CSMD1: variants seen among roughly 807,000 people sequenced by gnomAD.
CSMD1 encodes CUB and sushi domain-containing protein 1.
A neutral mutation model predicts 417.5 loss-of-function variants in CSMD1; 213 were observed. That is an observed-to-expected ratio of 0.51 (90% CI 0.46 to 0.57). The LOEUF (loss-of-function observed/expected upper bound fraction) is 0.57. Among genes scored for constraint, CSMD1 ranks in the 20% least tolerant of loss-of-function variants. CSMD1 has a pLI of 0.00. For synonymous variants in CSMD1, 2,862 were observed against 1,736.8 expected (o/e 1.65, Z -16.11); for missense variants, 6,923 against 4,529.7 (o/e 1.53, Z -15.17).
Position 4,791,280 on chromosome 8 carries a change from A to G in CSMD1, c.86-153722T>C, listed in dbSNP as rs182460854. 2.9e-4 allele frequency among the ~76,000 whole-genome samples: 44 copies of G among 152,264 alleles called. No individual in the cohort carries two copies. In the East Asian group the frequency reaches 7.4e-3, roughly 25 times the overall value. On this transcript the variant is annotated intron_variant, in intron 1 of 69. Coordinates refer to ENST00000635120, the MANE Select transcript of CSMD1 (RefSeq NM_033225.6). The stretch of plus-strand genomic sequence containing the variant: ...TTGCCTGTCATGGACACAGACCTTC[A>G]CGAAGGTGGGCCTCTTTCCATACCA...
At chr8:4,574,518 G>C (rs1351563166) in intron 2 of CSMD1, among the ~76,000 whole-genome samples, 3 of 152,126 alleles carry the variant, frequency 2.0e-5, no homozygotes, top group Non-Finnish European at 4.4e-5. Context: ...GAAATCACCC[G>C]CCTTCTGTGA....
chr8:4,102,350 T>G (rs1262324955), intron 3 of CSMD1, among the ~76,000 whole-genome samples: 1 of 152,014 alleles, frequency 6.6e-6, no homozygotes, highest in Non-Finnish European at 1.5e-5. Context: ...TTTTGCTTTG[T>G]TTTTCCTTGC....
At chr8:4,400,815 G>C (rs1051000021) in intron 3 of CSMD1, among the ~76,000 whole-genome samples, 2 of 147,974 alleles carry the variant, frequency 1.4e-5, no homozygotes, top group Non-Finnish European at 3.0e-5. Context: ...TGCTTTTAAA[G>C]GATTATTAGG....
chr8:3,717,164 G>A (rs2623566), intron 6 of CSMD1, among the ~76,000 whole-genome samples: 128,289 of 152,128 alleles, frequency 0.84, 54,335 homozygotes, highest in East Asian at 0.93. Flanking sequence ...TTTTATTTTC[G>A]TCGATAATTA....
intron 2 of CSMD1, among the ~76,000 whole-genome samples, chr8:4,437,306 T>G (rs1798203893): frequency 6.6e-6 from 1 of 152,156 alleles, no homozygotes; most frequent in African/African-American, 2.4e-5. Context: ...TTATTTAGTT[T>G]GAGAGAAAAA....
intron 1 of CSMD1, among the ~76,000 whole-genome samples, chr8:4,689,783 GC>G (rs1806646988): frequency 6.6e-6 from 1 of 152,096 alleles, no homozygotes; most frequent in Non-Finnish European, 1.5e-5. Context: ...GGTGGTTTAG[GC>G]TAACTCCATA....
At chr8:3,196,229 A>C (rs1276491279) in intron 33 of CSMD1, among the ~76,000 whole-genome samples, 8 of 152,186 alleles carry the variant, frequency 5.3e-5, no homozygotes, top group Non-Finnish European at 1.0e-4. Flanking sequence ...CAATGCCAGG[A>C]AGTTACCCTA....
At chr8:3,731,694 T>C (rs1796270689) in intron 6 of CSMD1, among the ~76,000 whole-genome samples, 1 of 152,148 alleles carries the variant, frequency 6.6e-6, no homozygotes, top group Non-Finnish European at 1.5e-5. Context: ...GGAAACAAAG[T>C]ATAAATGGGT....
chr8:4,101,407 G>A (rs1801298883), intron 3 of CSMD1, among the ~76,000 whole-genome samples: 1 of 152,096 alleles, frequency 6.6e-6, no homozygotes, highest in Non-Finnish European at 1.5e-5. Flanking sequence ...GGTTGGTTGG[G>A]CAGGTGAATA....
Position 4,994,448 on chromosome 8 carries a change from G to T in CSMD1, c.-32C>A, listed in dbSNP as rs756239979. 2 of 1,585,428 alleles carry T rather than the reference G, an allele frequency of 1.3e-6. No individual in the cohort carries two copies. Among genetic ancestry groups the T allele is most frequent in the South Asian group, 1.1e-5 (1 of 90,328 alleles). ...AGATACTCCACACGCACGCGACACC[G>T]ATGGCTCCTCCGAGGAAGGCAGGGC... On this transcript the variant is annotated 5_prime_UTR_variant, in exon 1 of 70. Transcript: ENST00000635120.
At chr8:4,082,870 T>A (rs1246806768) in intron 3 of CSMD1, among the ~76,000 whole-genome samples, 1 of 150,250 alleles carries the variant, frequency 6.7e-6, no homozygotes, top group East Asian at 2.0e-4. Context: ...CGGTGTTTGG[T>A]TTTTTGTCCT....
chr8:4,818,660 G>A (rs553468710), intron 1 of CSMD1, among the ~76,000 whole-genome samples: 2 of 152,242 alleles, frequency 1.3e-5, no homozygotes, highest in South Asian at 4.1e-4. Flanking sequence ...TAGAGAAAGG[G>A]CAAAGGTATG....
At chr8:2,949,968 G>A (rs1802513029) in intron 67 of CSMD1, among the ~76,000 whole-genome samples, 1 of 152,134 alleles carries the variant, frequency 6.6e-6, no homozygotes, top group Admixed American at 6.6e-5. Context: ...CATAGACCCT[G>A]GATTTCAGGT....
At chr8:3,278,441 C>G (rs983836040) in intron 26 of CSMD1, 1 of 152,150 alleles carries the variant, frequency 6.6e-6, no homozygotes, top group East Asian at 1.9e-4. Context: ...TAAAAATAGC[C>G]TACTAAGAAA....
At chr8:4,649,044 C>A (rs1803715784) in intron 1 of CSMD1, among the ~76,000 whole-genome samples, 1 of 152,180 alleles carries the variant, frequency 6.6e-6, no homozygotes, top group Admixed American at 6.5e-5. Context: ...AGAAACTCTT[C>A]TTGTAGGCTT....
intron 5 of CSMD1, among the ~76,000 whole-genome samples, chr8:3,793,592 C>G (rs886322887): frequency 3.3e-5 from 5 of 152,010 alleles, no homozygotes; most frequent in African/African-American, 1.2e-4. Context: ...TAATACATGC[C>G]TCTCTTGCAG....
At chr8:3,167,393 T>C (rs185872494) in intron 37 of CSMD1, among the ~76,000 whole-genome samples, 2 of 152,118 alleles carry the variant, frequency 1.3e-5, no homozygotes, top group Admixed American at 1.3e-4. Context: ...TACATGACTC[T>C]GAATGCCCAG....
intron 5 of CSMD1, among the ~76,000 whole-genome samples, chr8:3,790,574 T>G (rs756012489): frequency 5.3e-5 from 8 of 152,040 alleles, no homozygotes; most frequent in Non-Finnish European, 1.2e-4. Flanking sequence ...CAATCATAAT[T>G]TTTTTTTATG....
At chr8:3,779,877 G>T (rs1196120264) in intron 5 of CSMD1, among the ~76,000 whole-genome samples, 1 of 152,108 alleles carries the variant, frequency 6.6e-6, no homozygotes, top group Non-Finnish European at 1.5e-5. Flanking sequence ...TGAAAATTTA[G>T]TTTCATTTAT....
Sources: gnomAD v4.1 joint callset for allele counts (sites outside exome capture counted in the v4.1 genomes callset) on GRCh38, gnomAD v4.1.1 for gene constraint, MANE v1.5 for transcripts, NCBI Gene and HGNC (gene_info 2026-07-23, HGNC 2026-07-21) for gene names.